Variants in EVI5 observed in about 807,000 individuals in gnomAD.
The protein encoded by EVI5 is ecotropic viral integration site 5 protein homolog.
Under a neutral mutation model 112.0 loss-of-function variants are expected in EVI5, and 73 were observed. The observed-to-expected ratio is 0.65, with a 90% CI of 0.54 to 0.79. The LOEUF (loss-of-function observed/expected upper bound fraction) is 0.79, where lower values mean the gene tolerates loss of function less well. EVI5 is among the 30% of genes least tolerant of loss of function. The probability of loss-of-function intolerance (pLI) is 0.00; values close to 1 mark genes in which losing one functional copy is unlikely to be tolerated. For synonymous variants in EVI5, 305 were observed against 319.9 expected (o/e 0.95, Z 0.50); for missense variants, 900 against 968.8 (o/e 0.93, Z 0.94).
chr1:92,628,429 AT>A (rs2101817743), intron 14 of EVI5, among the ~76,000 whole-genome samples: 1 of 152,302 alleles, frequency 6.6e-6, no homozygotes, highest in South Asian at 2.1e-4. Flanking sequence ...GGTTTTTCCA[AT>A]GTTATCTTCT....
chr1:92,753,133 CAA>C (rs5776155), intron 1 of EVI5, among the ~76,000 whole-genome samples: 11 of 140,230 alleles, frequency 7.8e-5, no homozygotes, highest in African/African-American at 5.5e-5. Context: ...AAGAGTCAGG[CAA>C]AAAAAAAAAA....
chr1:92,560,818 G>T (rs1668410190), intron 19 of EVI5, among the ~76,000 whole-genome samples: 1 of 151,332 alleles, frequency 6.6e-6, no homozygotes, highest in African/African-American at 2.4e-5. Context: ...TCCAACCTCG[G>T]TCTCCCAAAG....
Position 92,563,659 on chromosome 1 carries a change from C to T in EVI5, c.2149G>A (p.Ala717Thr). Residue 717 changes from alanine to threonine, a missense_variant, in exon 19 of 20, where the codon GCA becomes ACA. Ala to Thr is a moderately conservative substitution (Grantham distance 58). Coordinates refer to ENST00000684568, the MANE Select transcript of EVI5 (RefSeq NM_001350197.2). ...TCACTTACCTCATGATTCAGCTCTG[C>T]TATCTGATCTTTCAGTTCCCCAATA... The part of the protein sequence containing the change: ...QYIGELKDQI[A>T]ELNHELRCLK... 1 of 1,587,640 alleles carries T rather than the reference C, an allele frequency of 6.3e-7. No homozygotes were observed. The highest frequency in any genetic ancestry group is 8.6e-7 in the Non-Finnish European group (1 of 1,159,612).
intron 19 of EVI5, among the ~76,000 whole-genome samples, chr1:92,528,277 T>C (rs1662267370): frequency 6.6e-6 from 1 of 152,240 alleles, no homozygotes; most frequent in South Asian, 2.1e-4. Flanking sequence ...GAAAATGGCT[T>C]CGCAGTATCG....
rs796598685 is a variant in EVI5 at position 92,669,879 on chromosome 1, A to G, written c.1159-3887T>C. 6.6e-5 allele frequency among the ~76,000 whole-genome samples: 10 copies of G among 152,180 alleles called. No homozygotes were observed. In the South Asian group the frequency reaches 1.0e-3, roughly 16 times the overall value. ...TCCTAAACTTTAAAGTGAAAACCAC[A>G]GAGAGGAAGATACCTAGATATAGCT... On this transcript the variant is annotated intron_variant, in intron 10 of 19. Coordinates refer to ENST00000684568, the MANE Select transcript of EVI5 (RefSeq NM_001350197.2).
chr1:92,779,235 G>A (rs77207753), intron 1 of EVI5, among the ~76,000 whole-genome samples: 3,530 of 152,110 alleles, frequency 0.023, 59 homozygotes, highest in Middle Eastern at 0.041. Context: ...AGGAAAAGAA[G>A]GTCTAGGCCA....
At position 92,725,779 on chromosome 1, in the gene EVI5, TG is replaced by T. The variant is rs1418957166; in HGVS notation, c.149+10618del. On this transcript the variant is annotated intron_variant, in intron 2 of 19. Coordinates refer to ENST00000684568, the MANE Select transcript of EVI5 (RefSeq NM_001350197.2). ...AAGAAAAGCATAACCAATAATGAGGTGGGGGGGAAATCAATCCATCAAAAGC... is the reference window on the plus strand; with the variant it reads ...AAGAAAAGCATAACCAATAATGAGGTGGGGGGAAATCAATCCATCAAAAGC... Among the ~76,000 whole-genome samples, 5 of 147,552 alleles carry T rather than the reference TG, an allele frequency of 3.4e-5. No homozygotes were observed. The South Asian group carries it at 6.5e-4, about 19-fold the overall frequency.
chr1:92,789,300 T>C (rs554119624), upstream of EVI5, among the ~76,000 whole-genome samples: 1 of 149,576 alleles, frequency 6.7e-6, no homozygotes, highest in Admixed American at 6.8e-5. Flanking sequence ...CAAGCCATCC[T>C]CCTGCCTCAG....
At chr1:92,718,444 T>G (rs1019815989) in intron 2 of EVI5, among the ~76,000 whole-genome samples, 1 of 152,122 alleles carries the variant, frequency 6.6e-6, no homozygotes, top group African/African-American at 2.4e-5. Context: ...GAATGACGAC[T>G]GGGTAAATAA....
At chr1:92,576,252 GTA>G (rs1331234724) in intron 18 of EVI5, among the ~76,000 whole-genome samples, 1 of 152,098 alleles carries the variant, frequency 6.6e-6, no homozygotes, top group Non-Finnish European at 1.5e-5. Context: ...GTGTACATAT[GTA>G]TATTAGTTAA....
At chr1:92,765,509 G>A (rs1570850199) in intron 1 of EVI5, among the ~76,000 whole-genome samples, 1 of 146,180 alleles carries the variant, frequency 6.8e-6, no homozygotes. Context: ...TAAATATCAA[G>A]ACACATATTT....
At chr1:92,701,773 G>C (rs916110363) in intron 5 of EVI5, among the ~76,000 whole-genome samples, 1 of 150,816 alleles carries the variant, frequency 6.6e-6, no homozygotes, top group African/African-American at 2.4e-5. Flanking sequence ...CTCTAAAGAT[G>C]TTGTACAATA....
chr1:92,710,108 C>G (rs1161959154), intron 2 of EVI5, among the ~76,000 whole-genome samples: 1 of 25,138 alleles, frequency 4.0e-5, no homozygotes, highest in Non-Finnish European at 8.5e-5. Context: ...AAAGGGAGGC[C>G]GAGGCAGGTG....
At chr1:92,776,938 G>A (rs1279957415) in intron 1 of EVI5, among the ~76,000 whole-genome samples, 1 of 152,080 alleles carries the variant, frequency 6.6e-6, no homozygotes, top group African/African-American at 2.4e-5. Context: ...GAGTAGCTGG[G>A]ACTACAGACG....
intron 9 of EVI5, among the ~76,000 whole-genome samples, chr1:92,683,011 T>A (rs1667870924): frequency 6.6e-6 from 1 of 152,196 alleles, no homozygotes; most frequent in Non-Finnish European, 1.5e-5. Flanking sequence ...TAAGTGACAT[T>A]TATCTTATTT....
intron 19 of EVI5, among the ~76,000 whole-genome samples, chr1:92,532,875 A>C (rs1428786783): frequency 6.6e-6 from 1 of 152,178 alleles, no homozygotes; most frequent in Non-Finnish European, 1.5e-5. Context: ...ATTGAAAAGA[A>C]CTAGAGAAGC....
At chr1:92,636,801 AT>A (rs540334403) in intron 13 of EVI5, among the ~76,000 whole-genome samples, 3 of 152,360 alleles carry the variant, frequency 2.0e-5, no homozygotes, top group Non-Finnish European at 2.9e-5. Flanking sequence ...AAATAAAAAA[AT>A]CTCAATGATT....
At chr1:92,588,478 A>C (rs760551511) in intron 18 of EVI5, among the ~76,000 whole-genome samples, 7 of 152,252 alleles carry the variant, frequency 4.6e-5, no homozygotes, top group Non-Finnish European at 7.3e-5. Context: ...GTTTAAATAA[A>C]TATCCCCTTC....
chr1:92,600,697 G>A (rs566875455), intron 18 of EVI5, among the ~76,000 whole-genome samples: 39 of 152,230 alleles, frequency 2.6e-4, no homozygotes, highest in African/African-American at 8.9e-4. Flanking sequence ...AATAGGATTC[G>A]TGCTCCTGTG....
Sources: gnomAD v4.1 joint callset for allele counts (sites outside exome capture counted in the v4.1 genomes callset) on GRCh38, gnomAD v4.1.1 for gene constraint, MANE v1.5 for transcripts, NCBI Gene and HGNC (gene_info 2026-07-23, HGNC 2026-07-21) for gene names.